The following DLG2 variants were observed in gnomAD, a reference collection of about 807,000 sequenced individuals.
The protein encoded by DLG2 is discs large MAGUK scaffold protein 2.
In DLG2, 45 loss-of-function variants were observed where a neutral mutation model predicts 132.5. That is an observed-to-expected ratio of 0.34 (90% CI 0.27 to 0.44). The LOEUF (loss-of-function observed/expected upper bound fraction) is 0.44, where lower values mean the gene tolerates loss of function less well. Ranked by LOEUF, DLG2 falls within the 20% of genes least tolerant of loss-of-function variation. DLG2 has a pLI of 1.00. For synonymous variants in DLG2, 424 were observed against 419.6 expected (o/e 1.01, Z -0.13); for missense variants, 1,045 against 1,196.9 (o/e 0.87, Z 1.87).
intron 18 of DLG2, among the ~76,000 whole-genome samples, chr11:83,660,932 A>C (rs2074103400): frequency 6.6e-6 from 1 of 152,038 alleles, no homozygotes; most frequent in South Asian, 2.1e-4. Flanking sequence ...ACCCTATATC[A>C]AGCACCTGCT....
At chr11:83,867,911 G>A (rs144506509) in intron 16 of DLG2, among the ~76,000 whole-genome samples, 2,037 of 151,946 alleles carry the variant, frequency 0.013, 48 homozygotes, top group African/African-American at 0.046. Flanking sequence ...ACACATGTAA[G>A]GAAAAAGATT....
chr11:84,279,887 CTT>C (rs971974540), intron 7 of DLG2, among the ~76,000 whole-genome samples: 1 of 152,134 alleles, frequency 6.6e-6, no homozygotes, highest in African/African-American at 2.4e-5. Flanking sequence ...TAATTAACAA[CTT>C]AACGATTATC....
chr11:85,576,201 T>C (rs1379377178), intron 3 of DLG2, among the ~76,000 whole-genome samples: 1 of 152,212 alleles, frequency 6.6e-6, no homozygotes, highest in South Asian at 2.1e-4. Context: ...AAATATCATA[T>C]TTTTATATTA....
At chr11:84,913,395 AG>A (rs894159523) in intron 6 of DLG2, among the ~76,000 whole-genome samples, 17 of 152,318 alleles carry the variant, frequency 1.1e-4, no homozygotes, top group African/African-American at 3.6e-4. Flanking sequence ...CTCATCTCAA[AG>A]CTATTCCAAG....
At chr11:84,861,793 A>T (rs2083736560) in intron 6 of DLG2, among the ~76,000 whole-genome samples, 1 of 152,056 alleles carries the variant, frequency 6.6e-6, no homozygotes, top group African/African-American at 2.4e-5. Flanking sequence ...AAAAGTGGGC[A>T]AAGAATATGA....
intron 6 of DLG2, among the ~76,000 whole-genome samples, chr11:84,700,386 A>G (rs756193433): frequency 6.6e-6 from 1 of 151,658 alleles, no homozygotes; most frequent in Non-Finnish European, 1.5e-5. Context: ...TTTCATGGGC[A>G]TGTAAAAATT....
chr11:83,943,782 A>C (rs2083197859), intron 14 of DLG2, among the ~76,000 whole-genome samples: 1 of 152,214 alleles, frequency 6.6e-6, no homozygotes, highest in South Asian at 2.1e-4. Flanking sequence ...ACACATTGGG[A>C]GGCTATGAAC....
chr11:84,557,364 T>A (rs2099413943), intron 6 of DLG2, among the ~76,000 whole-genome samples: 1 of 152,174 alleles, frequency 6.6e-6, no homozygotes, highest in Non-Finnish European at 1.5e-5. Context: ...CCTGCCCTAT[T>A]GATTTTAGCT....
chr11:84,442,704 A>AG (rs2099021109), intron 7 of DLG2, among the ~76,000 whole-genome samples: 1 of 137,358 alleles, frequency 7.3e-6, no homozygotes, highest in African/African-American at 3.3e-5. Flanking sequence ...TATAATTAAA[A>AG]AAAAAGAAAG....
intron 6 of DLG2, among the ~76,000 whole-genome samples, chr11:84,931,620 T>C (rs1328318199): frequency 1.3e-5 from 2 of 152,220 alleles, no homozygotes; most frequent in Admixed American, 1.3e-4. Context: ...TCTTTGGGTA[T>C]ATAGCCAGTA....
At position 85,220,417 on chromosome 11, in the gene DLG2, G is replaced by A. The variant is rs148142662; in HGVS notation, c.186+64803C>T. 3.0e-4 allele frequency among the ~76,000 whole-genome samples: 46 copies of A among 152,010 alleles called. No individual in the cohort carries two copies. The East Asian group carries it at 8.8e-3, about 29-fold the overall frequency. The stretch of plus-strand genomic sequence containing the variant: ...CCTAGAGTAAGAGTGTGCCTGGGGA[G>A]TTAGAGATAAGCAAGGAGGCCAGGG... On this transcript the variant is annotated intron_variant, in intron 4 of 27. Transcript: ENST00000376104.
chr11:84,200,930 C>T (rs2168007), intron 8 of DLG2, among the ~76,000 whole-genome samples: 117,105 of 151,974 alleles, frequency 0.77, 47,352 homozygotes, highest in Middle Eastern at 0.93. Flanking sequence ...TACTTGAATA[C>T]CTTTTATTTC....
intron 3 of DLG2, among the ~76,000 whole-genome samples, chr11:85,440,204 G>A (rs1202455696): frequency 2.0e-5 from 3 of 152,116 alleles, no homozygotes; most frequent in Non-Finnish European, 4.4e-5. Context: ...ATTTTTAAAT[G>A]TCTGCTTTGT....
At chr11:85,523,374 A>G (rs561721611) in intron 3 of DLG2, among the ~76,000 whole-genome samples, 42 of 152,316 alleles carry the variant, frequency 2.8e-4, no homozygotes, top group African/African-American at 9.6e-4. Context: ...GAGCTCCAAC[A>G]TCTCTATAGG....
intron 6 of DLG2, among the ~76,000 whole-genome samples, chr11:84,844,131 GTGTGTATA>G (rs1242076158): frequency 6.8e-4 from 18 of 26,396 alleles, no homozygotes; most frequent in African/African-American, 1.8e-3. Flanking sequence ...GTGTGTGTGT[GTGTGTATA>G]TATATATATA....
intron 9 of DLG2, among the ~76,000 whole-genome samples, chr11:84,132,717 A>G (rs1235053003): frequency 6.6e-6 from 1 of 152,034 alleles, no homozygotes; most frequent in Admixed American, 6.6e-5. Context: ...AAATAGGAAT[A>G]AAATAGCCAG....
chr11:84,505,135 T>C (rs1315663153), intron 7 of DLG2, among the ~76,000 whole-genome samples: 2 of 152,140 alleles, frequency 1.3e-5, no homozygotes, highest in Non-Finnish European at 2.9e-5. Context: ...GGTGATATAG[T>C]AGTATTAAAA....
At chr11:84,096,504 CAT>C (rs1446814620) in intron 10 of DLG2, among the ~76,000 whole-genome samples, 1 of 152,108 alleles carries the variant, frequency 6.6e-6, no homozygotes, top group Non-Finnish European at 1.5e-5. Flanking sequence ...GTAGAGCAAA[CAT>C]ATATAAACAT....
intron 7 of DLG2, among the ~76,000 whole-genome samples, chr11:84,400,413 A>G (rs1488901583): frequency 6.6e-6 from 1 of 152,162 alleles, no homozygotes; most frequent in Non-Finnish European, 1.5e-5. Context: ...GGTGAAGTAA[A>G]CCTAAGACTG....
Sources: gnomAD v4.1 joint callset for allele counts (sites outside exome capture counted in the v4.1 genomes callset) on GRCh38, gnomAD v4.1.1 for gene constraint, MANE v1.5 for transcripts, NCBI Gene and HGNC (gene_info 2026-07-23, HGNC 2026-07-21) for gene names.